DHX16: variants seen among roughly 807,000 people sequenced by gnomAD.
DHX16 encodes the protein pre-mRNA-splicing factor ATP-dependent RNA helicase DHX16.
A neutral mutation model predicts 131.2 loss-of-function variants in DHX16; 81 were observed. The ratio of observed to expected loss-of-function variants is 0.62; its 90% CI spans 0.52 to 0.74. DHX16 has a LOEUF of 0.74. Ranked by LOEUF, DHX16 falls within the 30% of genes least tolerant of loss-of-function variation. DHX16 has a pLI of 0.00. For missense variants in DHX16, 980 were observed against 1,363.1 expected (o/e 0.72, Z 4.43); for synonymous variants, 440 against 520.2 (o/e 0.85, Z 2.10).
Position 30,653,174 on chromosome 6 carries a change from T to TTTAA in DHX16, c.*64_*67dup. The TTTAA allele has an allele frequency of 6.6e-7, 1 of 1,523,312 alleles. No homozygotes were observed. The highest frequency in any genetic ancestry group is 8.8e-7 in the Non-Finnish European group (1 of 1,132,564). The allele number at this position is 1,523,312 out of a possible 1,614,324, so 94.4% of individuals were successfully genotyped here. A position where few individuals can be genotyped will look rare whatever the true frequency, so the allele number is the denominator to read the frequency against. On this transcript the variant is annotated 3_prime_UTR_variant, in exon 20 of 20. Coordinates refer to ENST00000376442, the MANE Select transcript of DHX16 (RefSeq NM_003587.5). ...AAGCTTTATTCCAAAAATAATTTTA[T>TTTAA]TTAATAGGTATTAAATAATGTATAG...
At position 30,656,152 on chromosome 6, in the gene DHX16, CT is replaced by C; in HGVS notation, c.2498+45del. 1 of 1,587,558 alleles carries C rather than the reference CT, an allele frequency of 6.3e-7. No homozygotes were observed. The highest frequency in any genetic ancestry group is 8.6e-7 in the Non-Finnish European group (1 of 1,159,822). On this transcript the variant is annotated intron_variant, in intron 16 of 19. Coordinates refer to ENST00000376442, the MANE Select transcript of DHX16 (RefSeq NM_003587.5). The surrounding 1 kb of genome is among the most constrained non-coding windows in gnomAD (Gnocchi z 5.1). ...AGGGGACCCTGGAGACAGAGGAGGC[CT>C]GGCCTGTTTGTGTGCTGGGGGCCCA...
Position 30,662,962 on chromosome 6 carries a change from C to T in DHX16, c.1377G>A (p.Met459Ile), listed in dbSNP as rs1561984873. The T allele has an allele frequency of 6.2e-7, 1 of 1,613,336 alleles. No homozygotes were observed. The highest frequency in any genetic ancestry group is 1.1e-5 in the South Asian group (1 of 91,088). ...ACTQPRRVAA[M>I]SVAARVAREM... is the part of the protein sequence containing the mutation. ...CCCGGGCCACTCGGGCGGCCACACT[C>T]ATGGCAGCCACTCTCCGGGGTTGGG... The change falls in exon 8 of 20, where the codon ATG becomes ATA. Residue 459 changes from methionine to isoleucine, a missense_variant. Physicochemically the swap from Met to Ile is conservative, Grantham distance 10 (BLOSUM62 1). Coordinates refer to ENST00000376442, the MANE Select transcript of DHX16 (RefSeq NM_003587.5). The surrounding 1 kb of genome is among the most constrained non-coding windows in gnomAD (Gnocchi z 4.7).
chr6:30,654,372 A>G (rs1359864447), intron 19 of DHX16, among the ~76,000 whole-genome samples: 1 of 152,132 alleles, frequency 6.6e-6, no homozygotes, highest in Admixed American at 6.5e-5. Flanking sequence ...AACATGGTGA[A>G]ACCTCATCTC....
Position 30,665,309 on chromosome 6 carries a change from C to T in DHX16, c.922-35G>A. The T allele has an allele frequency of 6.3e-7, 1 of 1,597,860 alleles. No homozygotes were observed. The highest frequency in any genetic ancestry group is 8.5e-7 in the Non-Finnish European group (1 of 1,177,212). On this transcript the variant is annotated intron_variant, in intron 5 of 19. Transcript: ENST00000376442. The surrounding 1 kb of genome is among the most constrained non-coding windows in gnomAD (Gnocchi z 4.8). ...GAGGGGATATGTGAAGACTCAAAAACAGGATGTCCTCTCTGCCCTCTCCCC... is the reference window on the plus strand; with the variant it reads ...GAGGGGATATGTGAAGACTCAAAAATAGGATGTCCTCTCTGCCCTCTCCCC...
chr6:30,655,518 T>G lies in DHX16; in HGVS notation c.2578A>C (p.Lys860Gln), dbSNP rs1327635072. The G allele has an allele frequency of 6.2e-7, 1 of 1,613,132 alleles. No homozygotes were observed. The highest frequency in any genetic ancestry group is 8.5e-7 in the Non-Finnish European group (1 of 1,180,036). ...NNSIFYRPKD[K>Q]VVHADNARVN... is the part of the protein sequence containing the mutation. ...CGGGCATTGTCAGCATGGACGACCT[T>G]GTCCTTTGGTCGGTAGAAGATGGAG... The change falls in exon 17 of 20, where the codon AAG (lysine) becomes CAG (glutamine). Residue 860 changes from lysine (K) to glutamine (Q), a missense_variant. Physicochemically the swap from Lys to Gln is moderately conservative, Grantham distance 53. Around this residue, in one of 3 missense-constraint regions of DHX16, gnomAD observed 214 missense variants for 271.2 expected, o/e 0.79. Coordinates refer to ENST00000376442, the MANE Select transcript of DHX16 (RefSeq NM_003587.5).
At position 30,663,041 on chromosome 6, in the gene DHX16, G is replaced by C; in HGVS notation, c.1318-20C>G. On this transcript the variant is annotated intron_variant, in intron 7 of 19. Coordinates refer to ENST00000376442, the MANE Select transcript of DHX16 (RefSeq NM_003587.5). ...ATAACCCTGAATGACAAAGAAAAAA[G>C]AAGAAGTTTGCCCTTTACTAAATAT... is the stretch of plus-strand genomic sequence containing the variant. 2 of 1,586,620 alleles carry C rather than the reference G, an allele frequency of 1.3e-6. No individual in the cohort carries two copies. The highest frequency in any genetic ancestry group is 8.6e-7 in the Non-Finnish European group (1 of 1,165,522).
chr6:30,670,551 A>G lies in DHX16; in HGVS notation c.610-85T>C, dbSNP rs1769439166. On this transcript the variant is annotated intron_variant, in intron 3 of 19. Transcript: ENST00000376442. This position sits in a 1 kb window ranked among gnomAD's most constrained non-coding sequence, Gnocchi z 4.4. ...GCTCCCCTCTAGAATCACAAGGATCATTCAGATGCGCCCTAACACAAAAAA... is the reference window on the plus strand; with the variant it reads ...GCTCCCCTCTAGAATCACAAGGATCGTTCAGATGCGCCCTAACACAAAAAA... The G allele has an allele frequency of 7.0e-7, 1 of 1,437,138 alleles. No individual in the cohort carries two copies. The highest frequency in any genetic ancestry group is 2.4e-5 in the East Asian group (1 of 42,196). 89.0% of individuals were successfully genotyped at this position (1,437,138 alleles called of 1,614,324 possible). A position where few individuals can be genotyped will look rare whatever the true frequency, so the allele number is the denominator to read the frequency against.
Position 30,653,175 on chromosome 6 carries a change from TTAATAGGTATTAAA to T in DHX16, c.*53_*66del. On this transcript the variant is annotated 3_prime_UTR_variant, in exon 20 of 20. Coordinates refer to ENST00000376442, the MANE Select transcript of DHX16 (RefSeq NM_003587.5). ...AGCTTTATTCCAAAAATAATTTTAT[TTAATAGGTATTAAA>T]TAATGTATAGAAGGAAAAGGAGCTG... 6.6e-7 allele frequency: 1 copy of T among 1,524,310 alleles called. No homozygotes were observed. The highest frequency in any genetic ancestry group is 8.8e-7 in the Non-Finnish European group (1 of 1,132,782). 94.4% of individuals were successfully genotyped at this position (1,524,310 alleles called of 1,614,324 possible).
chr6:30,666,430 T>C (rs1175685042), intron 4 of DHX16, among the ~76,000 whole-genome samples: 1 of 152,196 alleles, frequency 6.6e-6, no homozygotes, highest in African/African-American at 2.4e-5. Flanking sequence ...GCAATATCTA[T>C]AAGGCCCTTT....
intron 19 of DHX16, among the ~76,000 whole-genome samples, chr6:30,653,694 T>C (rs1401090566): frequency 7.0e-6 from 1 of 142,448 alleles, no homozygotes; most frequent in Non-Finnish European, 1.5e-5. Flanking sequence ...CTTATGTGTA[T>C]GGTCAAAAGT....
Position 30,662,569 on chromosome 6 carries a change from C to T in DHX16, c.1544+58G>A, listed in dbSNP as rs1768607671. 7.0e-7 allele frequency: 1 copy of T among 1,432,770 alleles called. No homozygotes were observed. The highest frequency in any genetic ancestry group is 1.4e-5 in the African/African-American group (1 of 71,206). The allele number at this position is 1,432,770 out of a possible 1,614,324, so 88.8% of individuals were successfully genotyped here. On this transcript the variant is annotated intron_variant, in intron 9 of 19. Transcript: ENST00000376442. This position sits in a 1 kb window ranked among gnomAD's most constrained non-coding sequence, Gnocchi z 4.7. ...AAGAACGGGTGGATTAATCAGAAGA[C>T]AATGGCTGAATTGGCTGGGTGGGAA... is the stretch of plus-strand genomic sequence containing the variant.
chr6:30,671,195 G>C lies in DHX16; in HGVS notation c.287C>G (p.Ser96Cys). Residue 96 changes from serine to cysteine, a missense_variant, in exon 2 of 20, where the codon TCT (serine) becomes TGT (cysteine). Coordinates refer to ENST00000376442, the MANE Select transcript of DHX16 (RefSeq NM_003587.5). ...EARALLEKNR[S>C]YRLLEDSEES... is the part of the protein sequence containing the mutation. ...TTCACTGTCTTCCAGTAACCTATAA[G>C]ATCGGTTCTTCTCCAGCAGGGCCCG... 1.9e-6 allele frequency: 3 copies of C among 1,612,944 alleles called. No individual in the cohort carries two copies. The highest frequency in any genetic ancestry group is 2.5e-6 in the Non-Finnish European group (3 of 1,180,012).
In DHX16 at chr6:30,662,757, C is replaced by T; in HGVS notation, c.1429-15G>A. 1 of 1,610,166 alleles carries T rather than the reference C, an allele frequency of 6.2e-7. No homozygotes were observed. The highest frequency in any genetic ancestry group is 8.5e-7 in the Non-Finnish European group (1 of 1,178,050). On this transcript the variant is annotated splice_polypyrimidine_tract_variant and intron_variant, in intron 8 of 19. Transcript: ENST00000376442. This position sits in a 1 kb window ranked among gnomAD's most constrained non-coding sequence, Gnocchi z 4.7. ...CTGTAGCCAACCTGGTCAAGGGAAC[C>T]ATTAGCAACCAAGTGTGGGCTGGTG...
chr6:30,655,472 C>T lies in DHX16; in HGVS notation c.2624G>A (p.Gly875Asp), dbSNP rs1409553886. 15 of 1,613,472 alleles carry T rather than the reference C, an allele frequency of 9.3e-6. No individual in the cohort carries two copies. Among genetic ancestry groups the T allele is most frequent in the Non-Finnish European group, 1.3e-5 (15 of 1,180,034 alleles). ...DNARVNFFLPGGDHLVLLNVY... is the reference protein window; with the variant it reads ...DNARVNFFLPDGDHLVLLNVY... The stretch of plus-strand genomic sequence containing the variant: ...ATTTAGCAGAACCAGGTGGTCACCG[C>T]CAGGGAGAAAGAAGTTGACACGGGC... Residue 875 changes from glycine to aspartate, a missense_variant, in exon 17 of 20, where the codon GGC (glycine) becomes GAC (aspartate). Gly to Asp is a moderately conservative substitution (Grantham distance 94). This residue lies in a region of DHX16 where 214 missense variants were observed against 271.2 expected (regional missense o/e 0.79). Transcript: ENST00000376442.
At chr6:30,655,075 G>A in intron 18 of DHX16, 100 bp downstream of exon 18, 2 of 1,512,096 alleles carry the variant, frequency 1.3e-6, no homozygotes. Context: ...AGGGGAAGAG[G>A]GCATGCTCTC....
Position 30,659,507 on chromosome 6 carries a change from G to C in DHX16, c.1972C>G (p.Arg658Gly). ...CCAGGTGGTGTGGGCTGGAAGATAC[G>C]GGCCTGCATGTCAGAGGGCAGATTG... Reference protein sequence around the residue: ...YANLPSDMQARIFQPTPPGAR... With the variant: ...YANLPSDMQAGIFQPTPPGAR... Residue 658 changes from arginine (R) to glycine (G), a missense_variant, in exon 12 of 20, where the codon CGT (arginine) becomes GGT (glycine). Arg to Gly is a moderately radical substitution (Grantham distance 125). Transcript: ENST00000376442. 6.2e-7 allele frequency: 1 copy of C among 1,604,704 alleles called. No homozygotes were observed. The highest frequency in any genetic ancestry group is 8.5e-7 in the Non-Finnish European group (1 of 1,176,138).
intron 12 of DHX16, among the ~76,000 whole-genome samples, chr6:30,658,450 G>C (rs771325438): frequency 1.3e-5 from 2 of 151,934 alleles, no homozygotes; most frequent in Non-Finnish European, 2.9e-5. Context: ...GGCTGAGACA[G>C]GAGAATCGCT....
chr6:30,657,182 G>A (rs2127579903), intron 12 of DHX16, 90 bp from the exon 13 acceptor site: 1 of 1,366,818 alleles, frequency 7.3e-7, no homozygotes, highest in East Asian at 2.4e-5. Flanking sequence ...TAGTGAAGCA[G>A]TTGCAGTAAG....
Position 30,662,721 on chromosome 6 carries a change from C to G in DHX16, c.1450G>C (p.Glu484Gln). 6.2e-7 allele frequency: 1 copy of G among 1,613,004 alleles called. No homozygotes were observed. Among genetic ancestry groups the G allele is most frequent in the Non-Finnish European group, 8.5e-7 (1 of 1,180,024 alleles). The change falls in exon 9 of 20, where the codon GAG (glutamate) becomes CAG (glutamine). Residue 484 changes from glutamate to glutamine, a missense_variant. By Grantham distance (29) the Glu-to-Gln change is conservative. Around this residue, in one of 3 missense-constraint regions of DHX16, gnomAD observed 309 missense variants for 537.1 expected, o/e 0.58. Coordinates refer to ENST00000376442, the MANE Select transcript of DHX16 (RefSeq NM_003587.5). This position sits in a 1 kb window ranked among gnomAD's most constrained non-coding sequence, Gnocchi z 4.7. ...GNEVGYSIRF[E>Q]DCTSERTVLR... is the part of the protein sequence containing the mutation. ...ACAGTTCGCTCTGATGTGCAGTCCT[C>G]AAAGCGGATGCTGTAGCCAACCTGG...
Sources: gnomAD v4.1 joint callset for allele counts (sites outside exome capture counted in the v4.1 genomes callset) on GRCh38, gnomAD v4.1.1 for gene constraint, gnomAD v4.1.1 regional missense constraint, Gnocchi (gnomAD v3.1) non-coding constraint, MANE v1.5 for transcripts, NCBI Gene and HGNC (gene_info 2026-07-23, HGNC 2026-07-21) for gene names.